Variants in DZIP1L observed in about 807,000 individuals in gnomAD.
DZIP1L encodes cilium assembly protein DZIP1L.
A neutral mutation model predicts 88.7 loss-of-function variants in DZIP1L; 90 were observed. That is an observed-to-expected ratio of 1.02 (90% CI 0.86 to 1.21). The LOEUF (loss-of-function observed/expected upper bound fraction) is 1.21. Among genes scored for constraint, DZIP1L ranks in the 50% most tolerant of loss-of-function variants. DZIP1L has a pLI of 0.00. For synonymous variants in DZIP1L, 363 were observed against 372.1 expected (o/e 0.98, Z 0.28); for missense variants, 932 against 955.8 (o/e 0.98, Z 0.33).
intron 14 of DZIP1L, 120 bp downstream of exon 14, chr3:138,067,411 A>G: frequency 8.6e-7 from 1 of 1,160,464 alleles, no homozygotes; most frequent in Non-Finnish European, 1.2e-6. Context: ...ATAGAGAAAG[A>G]GATGTCAAAT....
chr3:138,113,703 C>T (rs1314481412), intron 1 of DZIP1L, among the ~76,000 whole-genome samples: 1 of 151,950 alleles, frequency 6.6e-6, no homozygotes, highest in Non-Finnish European at 1.5e-5. Context: ...TCTCAGATTC[C>T]ATGGTGTTCT....
chr3:138,072,260 G>A (rs1007504818), intron 11 of DZIP1L, among the ~76,000 whole-genome samples: 2 of 152,154 alleles, frequency 1.3e-5, no homozygotes, highest in African/African-American at 4.8e-5. Flanking sequence ...CTAAACTGCT[G>A]TAAACACAAT....
intron 1 of DZIP1L, among the ~76,000 whole-genome samples, chr3:138,111,264 G>A (rs1168449867): frequency 6.6e-6 from 1 of 152,216 alleles, no homozygotes; most frequent in South Asian, 2.1e-4. Context: ...ACTGCCAAGA[G>A]TTAGTACAAA....
rs181569066 is a variant in DZIP1L at position 138,114,949 on chromosome 3, C to T, written c.-82+379G>A. 3.4e-3 allele frequency among the ~76,000 whole-genome samples: 511 copies of T among 152,330 alleles called. 2 individuals carry two copies. The highest frequency in any genetic ancestry group is 0.011 in the African/African-American group (472 of 41,548). Reference sequence around the variant, plus strand: ...AGAATCCTCCTTTACCTACGGCACTCAGATCATCAAGCCCTCCCAAATCAC... The same window carrying T: ...AGAATCCTCCTTTACCTACGGCACTTAGATCATCAAGCCCTCCCAAATCAC... On this transcript the variant is annotated intron_variant, in intron 1 of 15. Transcript: ENST00000327532.
chr3:138,098,177 T>C (rs984371427), intron 2 of DZIP1L, among the ~76,000 whole-genome samples: 5 of 152,180 alleles, frequency 3.3e-5, no homozygotes, highest in African/African-American at 9.7e-5. Context: ...AATAGAGACA[T>C]TGAAATACTA....
chr3:138,069,114 C>A (rs1247365273), intron 12 of DZIP1L: 3 of 802,074 alleles, frequency 3.7e-6, no homozygotes, highest in East Asian at 2.8e-5. Context: ...TCCGACTCTG[C>A]CACCCGTGAG....
At chr3:138,065,029 T>C (rs1316998811) in intron 14 of DZIP1L, among the ~76,000 whole-genome samples, 2 of 152,266 alleles carry the variant, frequency 1.3e-5, no homozygotes, top group Non-Finnish European at 2.9e-5. Flanking sequence ...GAAGCTGTGC[T>C]TCCCTCTAAT....
chr3:138,102,513 T>G, intron 2 of DZIP1L: 1 of 1,345,076 alleles, frequency 7.4e-7, no homozygotes, highest in African/African-American at 1.4e-5. Flanking sequence ...GTTGTCCATG[T>G]TAACTCTGAG....
intron 11 of DZIP1L, among the ~76,000 whole-genome samples, chr3:138,074,187 C>G (rs1184521952): frequency 6.6e-6 from 1 of 152,094 alleles, no homozygotes; most frequent in Non-Finnish European, 1.5e-5. Context: ...CCTAGGCATC[C>G]AAATACAAGA....
At chr3:138,085,571 C>A (rs1576465117) in intron 7 of DZIP1L, among the ~76,000 whole-genome samples, 1 of 152,190 alleles carries the variant, frequency 6.6e-6, no homozygotes, top group Non-Finnish European at 1.5e-5. Flanking sequence ...CATCTCACAC[C>A]AGTTAGAATG....
At position 138,064,609 on chromosome 3, in the gene DZIP1L, T is replaced by C. The variant is rs1446454901; in HGVS notation, c.2142+19A>G. The C allele has an allele frequency of 6.2e-7, 1 of 1,613,982 alleles. No individual in the cohort carries two copies. Among genetic ancestry groups the C allele is most frequent in the African/African-American group, 1.3e-5 (1 of 74,908 alleles). Reference sequence around the variant, plus strand: ...CTGTAGAGAATTCCAGAGTAAACTCTAAGCATCCTACATCCTACCTGAGGC... The same window carrying C: ...CTGTAGAGAATTCCAGAGTAAACTCCAAGCATCCTACATCCTACCTGAGGC... On this transcript the variant is annotated intron_variant, in intron 15 of 15. Transcript: ENST00000327532.
intron 2 of DZIP1L, among the ~76,000 whole-genome samples, chr3:138,100,833 T>G (rs2107836156): frequency 6.6e-6 from 1 of 152,330 alleles, no homozygotes; most frequent in South Asian, 2.1e-4. Flanking sequence ...TGACAATTTT[T>G]ATTAAAGGGC....
chr3:138,067,745 GA>G, intron 13 of DZIP1L, 45 bp from the exon 14 acceptor site: 1 of 1,508,946 alleles, frequency 6.6e-7, no homozygotes, highest in African/African-American at 1.4e-5. Flanking sequence ...GGGCCAGAAA[GA>G]AAACTTCAAA....
chr3:138,108,452 C>T (rs887368099), intron 1 of DZIP1L, among the ~76,000 whole-genome samples: 2 of 152,106 alleles, frequency 1.3e-5, no homozygotes, highest in African/African-American at 4.8e-5. Context: ...GCCACTCTCT[C>T]TCTCATCTCT....
intron 1 of DZIP1L, among the ~76,000 whole-genome samples, chr3:138,107,577 A>C (rs1246735763): frequency 6.6e-6 from 1 of 152,222 alleles, no homozygotes; most frequent in East Asian, 1.9e-4. Context: ...TTGAAGTGTA[A>C]TTGTAGGTTC....
chr3:138,091,596 C>A (rs1226889604), intron 5 of DZIP1L, among the ~76,000 whole-genome samples: 2 of 125,714 alleles, frequency 1.6e-5, no homozygotes, highest in Non-Finnish European at 3.2e-5. Flanking sequence ...CCAGCCTGGG[C>A]GACACAGCGA....
At chr3:138,094,374 C>G (rs569757673) in intron 4 of DZIP1L, among the ~76,000 whole-genome samples, 1 of 152,266 alleles carries the variant, frequency 6.6e-6, no homozygotes, top group East Asian at 1.9e-4. Context: ...AGAAGTATGC[C>G]TGTATTTGTC....
intron 11 of DZIP1L, among the ~76,000 whole-genome samples, chr3:138,072,460 G>A (rs1943225935): frequency 6.6e-6 from 1 of 152,016 alleles, no homozygotes; most frequent in South Asian, 2.1e-4. Context: ...AATCAAAGTA[G>A]TGACCATTCT....
At chr3:138,072,301 T>G (rs902092813) in intron 11 of DZIP1L, among the ~76,000 whole-genome samples, 3 of 152,166 alleles carry the variant, frequency 2.0e-5, no homozygotes, top group Admixed American at 6.5e-5. Flanking sequence ...TATTGGAAGT[T>G]GCTCGAGCTT....
Sources: gnomAD v4.1 joint callset for allele counts (sites outside exome capture counted in the v4.1 genomes callset) on GRCh38, gnomAD v4.1.1 for gene constraint, MANE v1.5 for transcripts, NCBI Gene and HGNC (gene_info 2026-07-23, HGNC 2026-07-21) for gene names.